RAB11FIP3: variants seen among roughly 807,000 people sequenced by gnomAD.
The protein encoded by RAB11FIP3 is RAB11 family interacting protein 3.
In RAB11FIP3, 17 loss-of-function variants were observed where a neutral mutation model predicts 77.8. The observed-to-expected ratio is 0.22, with a 90% CI of 0.15 to 0.33. The LOEUF (loss-of-function observed/expected upper bound fraction) is 0.33, where lower values mean the gene tolerates loss of function less well. Ranked by LOEUF, RAB11FIP3 falls within the 10% of genes least tolerant of loss-of-function variation. RAB11FIP3 has a pLI of 1.00. For synonymous variants in RAB11FIP3, 437 were observed against 448.2 expected, an observed-to-expected ratio of 0.98 and a Z score of 0.31; for missense variants, 1,005 against 1,011.2, an observed-to-expected ratio of 0.99 and a Z score of 0.08.
At chr16:456,889 G>A (rs931902263) in intron 1 of RAB11FIP3, among the ~76,000 whole-genome samples, 1 of 152,034 alleles carries the variant, frequency 6.6e-6, no homozygotes. Flanking sequence ...AGAAGTGTCC[G>A]TGCCATCGGC....
At chr16:497,971 TAA>T (rs1341167860) in intron 6 of RAB11FIP3, among the ~76,000 whole-genome samples, 1 of 142,480 alleles carries the variant, frequency 7.0e-6, no homozygotes, top group African/African-American at 2.6e-5. Flanking sequence ...AATTAAAAAT[TAA>T]AAAAAAAAAA....
chr16:493,853 A>G lies in RAB11FIP3; in HGVS notation c.1266-2971A>G, dbSNP rs868751721. On this transcript the variant is annotated intron_variant, in intron 5 of 13. Coordinates refer to ENST00000262305, the MANE Select transcript of RAB11FIP3 (RefSeq NM_014700.4). ...GTGATCCGCCCGCCTTGACCCCCCAAAGTGCTGGGATTACAGGCTGAGCCA... is the reference window on the plus strand; with the variant it reads ...GTGATCCGCCCGCCTTGACCCCCCAGAGTGCTGGGATTACAGGCTGAGCCA... Among the ~76,000 whole-genome samples, 8 of 144,390 alleles carry G rather than the reference A, an allele frequency of 5.5e-5. No homozygotes were observed. In the Middle Eastern group the frequency reaches 0.011, roughly 204 times the overall value. The allele number at this position is 144,390 out of a possible 152,430, so 94.7% of individuals were successfully genotyped here.
chr16:497,282 C>T, intron 6 of RAB11FIP3: 4 of 1,304,690 alleles, frequency 3.1e-6, no homozygotes, highest in Non-Finnish European at 4.0e-6. Flanking sequence ...ACCATTTCTT[C>T]ATTTTCCAGC....
chr16:483,310 C>A (rs1235794107), intron 4 of RAB11FIP3, among the ~76,000 whole-genome samples: 1 of 152,148 alleles, frequency 6.6e-6, no homozygotes, highest in Non-Finnish European at 1.5e-5. Flanking sequence ...AGCCTTCAGC[C>A]AACTGATGGA....
At chr16:494,501 A>G (rs1414944016) in intron 5 of RAB11FIP3, among the ~76,000 whole-genome samples, 1 of 151,892 alleles carries the variant, frequency 6.6e-6, no homozygotes, top group Non-Finnish European at 1.5e-5. Flanking sequence ...GGGCGCCTGT[A>G]GTCCCAGCTA....
rs1207808046 is a variant in RAB11FIP3, at chr16:461,831, G to A, written c.808+334G>A. 1.3e-5 allele frequency among the ~76,000 whole-genome samples: 2 copies of A among 152,080 alleles called. No homozygotes were observed. Among genetic ancestry groups the A allele is most frequent in the South Asian group, 2.1e-4 (1 of 4,816 alleles). ...CCACCCAAGTGGGTGTTCATCACCC[G>A]TGCTCTGCAGGCAGCACTTCGTCGC... is the stretch of plus-strand genomic sequence containing the variant. On this transcript the variant is annotated intron_variant, in intron 2 of 13. Coordinates refer to ENST00000262305, the MANE Select transcript of RAB11FIP3 (RefSeq NM_014700.4). This position sits in a 1 kb window ranked among gnomAD's most constrained non-coding sequence, Gnocchi z 4.5.
In RAB11FIP3 at chr16:475,241, C is replaced by T. The variant is rs538534259; in HGVS notation, c.903+3852C>T. ...GCCCTGAACGGGCTTTTTCTCTGTC[C>T]GCTGGTGATTTAGGGGACTTGTTAA... On this transcript the variant is annotated intron_variant, in intron 3 of 13. Coordinates refer to ENST00000262305, the MANE Select transcript of RAB11FIP3 (RefSeq NM_014700.4). The T allele has an allele frequency of 1.7e-5, 17 of 984,416 alleles. No homozygotes were observed. In the East Asian group the frequency reaches 1.8e-4, roughly 10 times the overall value. 61.0% of individuals were successfully genotyped at this position (984,416 alleles called of 1,614,324 possible). A position where few individuals can be genotyped will look rare whatever the true frequency, so the allele number is the denominator to read the frequency against.
rs750804455 is a variant in RAB11FIP3, at chr16:426,717, G to A, written c.711G>A (p.Glu237=). Residue 237 remains glutamate, a synonymous_variant, in exon 1 of 14, where the codon GAG becomes GAA. Transcript: ENST00000262305. The surrounding 1 kb of genome is among the most constrained non-coding windows in gnomAD (Gnocchi z 5.0). Reference sequence around the variant, plus strand: ...AGTTTGCTACGGTCTACGGGGCAGAGCAGGTACGGAGCGGCCCGGGCCGGG... The same window carrying A: ...AGTTTGCTACGGTCTACGGGGCAGAACAGGTACGGAGCGGCCCGGGCCGGG... ...FIQFATVYGA[E]QVKDLTKYLD... is the part of the protein sequence containing the mutation. 6.7e-7 allele frequency: 1 copy of A among 1,497,530 alleles called. No homozygotes were observed. The highest frequency in any genetic ancestry group is 2.5e-5 in the East Asian group (1 of 40,806). 92.8% of individuals were successfully genotyped at this position (1,497,530 alleles called of 1,614,324 possible).
intron 6 of RAB11FIP3, 84 bp downstream of exon 6, chr16:496,943 C>A: frequency 1.4e-6 from 2 of 1,392,416 alleles, no homozygotes; most frequent in Non-Finnish European, 2.0e-6. Flanking sequence ...TTAAAATGTT[C>A]TTTTCCAAGG....
At position 492,455 on chromosome 16, in the gene RAB11FIP3, TTCCCGGGGAGACCCGAGGCCGC is replaced by T. The variant is rs2030554800; in HGVS notation, c.1265+3456_1265+3477del. Among the ~76,000 whole-genome samples, 44 of 48,186 alleles carry T rather than the reference TTCCCGGGGAGACCCGAGGCCGC, an allele frequency of 9.1e-4. 2 individuals carry two copies. The highest frequency in any genetic ancestry group is 5.3e-3 in the South Asian group (7 of 1,326). 31.6% of individuals were successfully genotyped at this position (48,186 alleles called of 152,430 possible). On this transcript the variant is annotated intron_variant, in intron 5 of 13. Coordinates refer to ENST00000262305, the MANE Select transcript of RAB11FIP3 (RefSeq NM_014700.4). ...GGAGACCCGAGGCCGCCCAGGGCCC[TTCCCGGGGAGACCCGAGGCCGC>T]CCAGGGCCCTCCCGGGAGACCCGAG...
intron 3 of RAB11FIP3, among the ~76,000 whole-genome samples, chr16:476,546 G>C (rs1192363245): frequency 2.0e-5 from 3 of 152,112 alleles, no homozygotes; most frequent in Non-Finnish European, 2.9e-5. Context: ...TTCTGTTGGG[G>C]ACTTAGGGTC....
chr16:491,834 C>T lies in RAB11FIP3; in HGVS notation c.1265+2834C>T, dbSNP rs374926421. ...TGTTGATTTCGCTTGCGGTGAAGCC[C>T]CTGGGTGGGCAGCTCTCCAGAAGGG... is the stretch of plus-strand genomic sequence containing the variant. On this transcript the variant is annotated intron_variant, in intron 5 of 13. Transcript: ENST00000262305. 3.3e-5 allele frequency among the ~76,000 whole-genome samples: 5 copies of T among 152,048 alleles called. No homozygotes were observed. The East Asian group carries it at 7.7e-4, about 24-fold the overall frequency.
intron 4 of RAB11FIP3, among the ~76,000 whole-genome samples, chr16:485,857 G>T (rs1253282697): frequency 6.6e-6 from 1 of 152,134 alleles, no homozygotes; most frequent in Admixed American, 6.5e-5. Flanking sequence ...AAGTGTTATT[G>T]TTTTACCTTC....
Position 471,449 on chromosome 16 carries a change from C to A in RAB11FIP3, c.903+60C>A. ...CTGGCATCCACCTCTTCCTTTATGC[C>A]CTACAGCTCGTGCCTCCTGCCTCCG... On this transcript the variant is annotated intron_variant, in intron 3 of 13. Transcript: ENST00000262305. This position sits in a 1 kb window ranked among gnomAD's most constrained non-coding sequence, Gnocchi z 4.4. 1 of 1,381,188 alleles carries A rather than the reference C, an allele frequency of 7.2e-7. No individual in the cohort carries two copies. The highest frequency in any genetic ancestry group is 1.0e-6 in the Non-Finnish European group (1 of 988,016). 85.6% of individuals were successfully genotyped at this position (1,381,188 alleles called of 1,614,324 possible).
chr16:429,625 G>A lies in RAB11FIP3; in HGVS notation c.714+2905G>A, dbSNP rs558004051. 1.7e-3 allele frequency among the ~76,000 whole-genome samples: 254 copies of A among 151,650 alleles called. 1 individual carries two copies. The highest frequency in any genetic ancestry group is 3.1e-3 in the Non-Finnish European group (211 of 67,944). ...AGCGATTCTCCTGCTTCAGCCTCCC[G>A]AGTAGCTGGGATTACCGGTGCCCGT... On this transcript the variant is annotated intron_variant, in intron 1 of 13. Transcript: ENST00000262305.
chr16:452,130 G>A (rs766436441), intron 1 of RAB11FIP3, among the ~76,000 whole-genome samples: 3 of 151,950 alleles, frequency 2.0e-5, no homozygotes, highest in Non-Finnish European at 4.4e-5. Flanking sequence ...CAGCCTGGGC[G>A]ACAAGAGTGA....
Position 458,460 on chromosome 16 carries a change from GCCCACAGGGC to G in RAB11FIP3, c.715-2942_715-2933del, listed in dbSNP as rs1204548568. The stretch of plus-strand genomic sequence containing the variant: ...GGGGGCCTTCCTCGGGTTCACCGAT[GCCCACAGGGC>G]CTGGGGGGCCTTCCTCGGGTTCACC... On this transcript the variant is annotated intron_variant, in intron 1 of 13. Coordinates refer to ENST00000262305, the MANE Select transcript of RAB11FIP3 (RefSeq NM_014700.4). 1.9e-4 allele frequency among the ~76,000 whole-genome samples: 28 copies of G among 147,146 alleles called. 1 individual carries two copies. Among genetic ancestry groups the G allele is most frequent in the East Asian group, 2.1e-4 (1 of 4,730 alleles).
At position 426,803 on chromosome 16, in the gene RAB11FIP3, G is replaced by A. The variant is rs2054954423; in HGVS notation, c.714+83G>A. The A allele has an allele frequency of 8.6e-7, 1 of 1,166,460 alleles. No individual in the cohort carries two copies. The highest frequency in any genetic ancestry group is 1.6e-5 in the African/African-American group (1 of 62,558). The allele number at this position is 1,166,460 out of a possible 1,614,324, so 72.3% of individuals were successfully genotyped here. ...GGTTGATGTGGGACCGGTCGACGCT[G>A]CCCCTGGAGTCGGGAAAGGCACTGT... On this transcript the variant is annotated intron_variant, in intron 1 of 13. Transcript: ENST00000262305. The surrounding 1 kb of genome is among the most constrained non-coding windows in gnomAD (Gnocchi z 5.0).
intron 8 of RAB11FIP3, 128 bp from the exon 9 acceptor site, chr16:510,532 C>G: frequency 2.8e-6 from 3 of 1,089,184 alleles, no homozygotes; most frequent in Non-Finnish European, 3.8e-6. Context: ...CTCGGGGATG[C>G]CCTTCTCGGT....
Sources: gnomAD v4.1 joint callset for allele counts (sites outside exome capture counted in the v4.1 genomes callset) on GRCh38, gnomAD v4.1.1 for gene constraint, Gnocchi (gnomAD v3.1) non-coding constraint, MANE v1.5 for transcripts, NCBI Gene and HGNC (gene_info 2026-07-23, HGNC 2026-07-21) for gene names.